Variants in PLEKHG1 observed in about 807,000 individuals in gnomAD.
PLEKHG1 encodes the protein pleckstrin homology domain-containing family G member 1.
PLEKHG1 carries 44 observed loss-of-function variants against 100.8 expected under a neutral mutation model. That is an observed-to-expected ratio of 0.44 (90% confidence interval 0.34 to 0.56). PLEKHG1 has a LOEUF of 0.56. PLEKHG1 is among the 20% of genes least tolerant of loss of function. The pLI, the probability that PLEKHG1 is intolerant of heterozygous loss-of-function variation, is 0.01. For synonymous variants in PLEKHG1, 640 were observed against 662.5 expected, an observed-to-expected ratio of 0.97 and a Z score of 0.52; for missense variants, 1,545 against 1,720.9, an observed-to-expected ratio of 0.90 and a Z score of 1.81.
chr6:150,840,953 G>A, exon 16 of PLEKHG1: 1 of 1,291,808 alleles, frequency 7.7e-7, no homozygotes, highest in Non-Finnish European at 1.1e-6. Flanking sequence ...AAACGTTACA[G>A]ATACTGATGA....
chr6:150,819,571 T>A (rs568327931), intron 11 of PLEKHG1, 108 bp from the exon 13 acceptor site: 26 of 401,290 alleles, frequency 6.5e-5, no homozygotes, highest in Admixed American at 3.7e-4. Flanking sequence ...GTCTCAAAAA[T>A]AATAATAATA....
chr6:150,784,116 G>T (rs1785473680), intron 3 of PLEKHG1, among the ~76,000 whole-genome samples: 1 of 152,164 alleles, frequency 6.6e-6, no homozygotes, highest in Non-Finnish European at 1.5e-5. Flanking sequence ...ACCTCCTGAA[G>T]GGGTCTTGTC....
intron 11 of PLEKHG1, 64 bp downstream of exon 12, chr6:150,818,280 T>C: frequency 8.7e-7 from 1 of 1,153,582 alleles, no homozygotes; most frequent in East Asian, 2.3e-5. Context: ...TCACATTTTC[T>C]ATCTTAAAGT....
At chr6:150,819,693 T>C (rs1194202145) in exon 12 of PLEKHG1, 1 of 1,608,330 alleles carries the variant, frequency 6.2e-7, no homozygotes, top group East Asian at 2.2e-5. Context: ...TCCAGGCTTC[T>C]GTTACAGTCC....
chr6:150,735,867 G>A (rs891697080), intron 2 of PLEKHG1, among the ~76,000 whole-genome samples: 1 of 152,170 alleles, frequency 6.6e-6, no homozygotes, highest in African/African-American at 2.4e-5. Flanking sequence ...GAGGCTGGTT[G>A]ATAAACCTTA....
rs772559837 is a variant in PLEKHG1 at position 150,840,489 on chromosome 6, G to A, written c.3751G>A (p.Val1251Ile). 7 of 1,614,174 alleles carry A rather than the reference G, an allele frequency of 4.3e-6. No homozygotes were observed. The highest frequency in any genetic ancestry group is 5.9e-6 in the Non-Finnish European group (7 of 1,180,038). ...CCAAGACTCACAGAAAGTTGTGGTG[G>A]TCAATAGAAATTTACCCTTAAATGC... The change falls in exon 16 of 16, where the codon GTC (valine) becomes ATC (isoleucine). Residue 1251 changes from valine to isoleucine, a missense_variant. By Grantham distance (29) the Val-to-Ile change is conservative. Coordinates refer to ENST00000358517, the Ensembl canonical transcript of PLEKHG1.
chr6:150,616,844 C>T (rs1777092564), intron 1 of PLEKHG1, among the ~76,000 whole-genome samples: 1 of 152,124 alleles, frequency 6.6e-6, no homozygotes, highest in African/African-American at 2.4e-5. Context: ...TAATCAGACT[C>T]CTGTTTGAAA....
intron 2 of PLEKHG1, among the ~76,000 whole-genome samples, chr6:150,751,243 G>C (rs969643120): frequency 2.0e-5 from 3 of 150,762 alleles, no homozygotes; most frequent in Non-Finnish European, 4.4e-5. Context: ...CATTTCCACT[G>C]TAATAGAGGG....
chr6:150,829,918 C>T (rs1776816220), intron 14 of PLEKHG1, among the ~76,000 whole-genome samples: 1 of 152,156 alleles, frequency 6.6e-6, no homozygotes, highest in Non-Finnish European at 1.5e-5. Flanking sequence ...TGCTAGGAGA[C>T]AAGCACTGGC....
upstream of PLEKHG1, among the ~76,000 whole-genome samples, chr6:150,716,274 CTTAAA>C (rs1055398740): frequency 6.6e-6 from 1 of 152,118 alleles, no homozygotes; most frequent in African/African-American, 2.4e-5. Flanking sequence ...ATGGCAAGAT[CTTAAA>C]TTACAAGATA....
intron 3 of PLEKHG1, among the ~76,000 whole-genome samples, chr6:150,705,410 C>CT (rs1456396941): frequency 6.6e-6 from 1 of 152,264 alleles, no homozygotes; most frequent in African/African-American, 2.4e-5. Context: ...CTGACACTGT[C>CT]TTTGTCATGG....
intron 1 of PLEKHG1, among the ~76,000 whole-genome samples, chr6:150,602,524 A>C (rs943100641): frequency 6.6e-6 from 1 of 152,210 alleles, no homozygotes; most frequent in African/African-American, 2.4e-5. Context: ...AAAAGTAAAA[A>C]TCATAGTTGG....
rs185989301 is a variant in PLEKHG1 at position 150,706,204 on chromosome 6, G to T, written c.-98-27380G>T. On this transcript the variant is annotated intron_variant, in intron 3 of 3. Transcript: ENST00000367326. Reference sequence around the variant, plus strand: ...AGCTTGTAAACAAATCCTCACTTCAGTACTTCCATAAGGGTGGGTAAATGT... The same window carrying T: ...AGCTTGTAAACAAATCCTCACTTCATTACTTCCATAAGGGTGGGTAAATGT... Among the ~76,000 whole-genome samples, 557 of 152,288 alleles carry T rather than the reference G, an allele frequency of 3.7e-3. 1 individual carries two copies. Among genetic ancestry groups the T allele is most frequent in the Admixed American group, 7.9e-3 (121 of 15,306 alleles).
At chr6:150,801,759 C>A (rs528525773) in intron 6 of PLEKHG1, among the ~76,000 whole-genome samples, 1 of 151,880 alleles carries the variant, frequency 6.6e-6, no homozygotes, top group African/African-American at 2.4e-5. Flanking sequence ...TATTTCTTAC[C>A]CTCCAAAAAA....
chr6:150,797,426 C>T lies in PLEKHG1; in HGVS notation c.629+1524C>T, dbSNP rs189397227. 4.0e-4 allele frequency among the ~76,000 whole-genome samples: 61 copies of T among 152,246 alleles called. 1 individual carries two copies. The East Asian group carries it at 8.5e-3, about 21-fold the overall frequency. On this transcript the variant is annotated intron_variant, in intron 5 of 15. Coordinates refer to ENST00000358517, the Ensembl canonical transcript of PLEKHG1. Reference sequence around the variant, plus strand: ...GTGTGCACCTGTAGTCCTAGAGCTACTCAAGAGGCTGAGGCAGGAGGATAG... The same window carrying T: ...GTGTGCACCTGTAGTCCTAGAGCTATTCAAGAGGCTGAGGCAGGAGGATAG...
At chr6:150,650,129 C>G (rs1030311343) in intron 2 of PLEKHG1, among the ~76,000 whole-genome samples, 15 of 151,170 alleles carry the variant, frequency 9.9e-5, no homozygotes, top group Non-Finnish European at 2.1e-4. Flanking sequence ...CAAATTTCAC[C>G]AGATGTAAGC....
At chr6:150,813,168 G>C (rs1583181522) in intron 10 of PLEKHG1, among the ~76,000 whole-genome samples, 1 of 152,060 alleles carries the variant, frequency 6.6e-6, no homozygotes, top group African/African-American at 2.4e-5. Context: ...AGCTAGGCGT[G>C]GTGGCGGGTG....
chr6:150,747,111 T>A (rs1333636198), intron 2 of PLEKHG1, among the ~76,000 whole-genome samples: 2 of 152,174 alleles, frequency 1.3e-5, no homozygotes, highest in Admixed American at 1.3e-4. Context: ...CTAAAACAGG[T>A]CTTGTTCGGT....
Position 150,605,018 on chromosome 6 carries a change from G to A in PLEKHG1, c.-204+5001G>A, listed in dbSNP as rs76910482. On this transcript the variant is annotated intron_variant, in intron 1 of 3. Coordinates refer to the PLEKHG1 transcript ENST00000367326. ...ACTCTCTCTCACCAGTGGTGGGGTC[G>A]TTCCACACAAAGTTGAAATATCTGT... Among the ~76,000 whole-genome samples, 25 of 152,242 alleles carry A rather than the reference G, an allele frequency of 1.6e-4. No homozygotes were observed. In the East Asian group the frequency reaches 4.6e-3, roughly 28 times the overall value.
Sources: allele counts gnomAD v4.1 joint callset (sites outside exome capture counted in the v4.1 genomes callset), GRCh38; gene constraint gnomAD v4.1.1; transcripts MANE v1.5; gene names NCBI Gene and HGNC (gene_info 2026-07-23, HGNC 2026-07-21).